WSCD2: variants seen among roughly 807,000 people sequenced by gnomAD.
The protein encoded by WSCD2 is WSC domain sialate O sulfotransferase 2.
A neutral mutation model predicts 55.7 loss-of-function variants in WSCD2; 28 were observed. The observed-to-expected ratio is 0.50, with a 90% CI of 0.37 to 0.69. WSCD2 has a LOEUF of 0.69. Among genes scored for constraint, WSCD2 ranks in the 30% least tolerant of loss-of-function variants. The pLI is 0.00. For missense variants in WSCD2, 616 were observed against 762.1 expected (o/e 0.81, Z 2.26); for synonymous variants, 301 against 301.9 (o/e 1.00, Z 0.03).
At position 108,248,520 on chromosome 12, in the gene WSCD2, T is replaced by C; in HGVS notation, c.*177T>C. ...ACAGAGGAGGCTCAAGGGAAGAGAT[T>C]GCCCAGGCACTACCACTCTGCTCAC... On this transcript the variant is annotated 3_prime_UTR_variant, in exon 9 of 9. Coordinates refer to ENST00000547525, the MANE Select transcript of WSCD2 (RefSeq NM_014653.4). The surrounding 1 kb of genome is among the most constrained non-coding windows in gnomAD (Gnocchi z 4.3). The C allele has an allele frequency of 7.0e-7, 1 of 1,420,768 alleles. No individual in the cohort carries two copies. Among genetic ancestry groups the C allele is most frequent in the Non-Finnish European group, 9.2e-7 (1 of 1,091,154 alleles). The allele number at this position is 1,420,768 out of a possible 1,614,324, so 88.0% of individuals were successfully genotyped here.
At chr12:108,234,845 T>G (rs1447426552) in intron 7 of WSCD2, among the ~76,000 whole-genome samples, 1 of 152,220 alleles carries the variant, frequency 6.6e-6, no homozygotes, top group Non-Finnish European at 1.5e-5. Context: ...AAAATTGGTT[T>G]CATCTAGTGT....
chr12:108,165,190 A>C (rs1879486480), intron 1 of WSCD2, among the ~76,000 whole-genome samples: 2 of 152,164 alleles, frequency 1.3e-5, no homozygotes, highest in South Asian at 4.1e-4. Context: ...ACAGTAAAGT[A>C]TGTTGAGGCA....
intron 7 of WSCD2, among the ~76,000 whole-genome samples, chr12:108,235,276 T>A (rs1467583214): frequency 6.6e-6 from 1 of 152,226 alleles, no homozygotes; most frequent in African/African-American, 2.4e-5. Context: ...AGACATTTTT[T>A]AAATGCTATG....
chr12:108,238,494 G>A (rs967674038), intron 7 of WSCD2, among the ~76,000 whole-genome samples: 1 of 152,204 alleles, frequency 6.6e-6, no homozygotes, highest in East Asian at 1.9e-4. Context: ...AACAGGGAGG[G>A]AAGAAGCCAT....
chr12:108,222,334 T>G (rs1887621595), intron 4 of WSCD2, among the ~76,000 whole-genome samples: 1 of 152,232 alleles, frequency 6.6e-6, no homozygotes, highest in African/African-American at 2.4e-5. Context: ...GATGGGTCCT[T>G]AGATTTGTCT....
intron 1 of WSCD2, among the ~76,000 whole-genome samples, chr12:108,135,041 G>A (rs2136858817): frequency 6.6e-6 from 1 of 152,266 alleles, no homozygotes; most frequent in Non-Finnish European, 1.5e-5. Flanking sequence ...CACTCACCTG[G>A]AGGTTTGGTT....
chr12:108,208,440 A>G (rs1885707474), intron 3 of WSCD2, among the ~76,000 whole-genome samples: 1 of 152,216 alleles, frequency 6.6e-6, no homozygotes, highest in South Asian at 2.1e-4. Flanking sequence ...GGTGCAGGAA[A>G]GTCAAGAAGA....
At chr12:108,214,521 C>T (rs1171439350) in intron 4 of WSCD2, among the ~76,000 whole-genome samples, 2 of 152,204 alleles carry the variant, frequency 1.3e-5, no homozygotes. Flanking sequence ...CTAAATGTGT[C>T]GGCAAGTGTA....
chr12:108,138,756 C>T (rs186074429), intron 1 of WSCD2, among the ~76,000 whole-genome samples: 1 of 152,352 alleles, frequency 6.6e-6, no homozygotes, highest in Admixed American at 6.5e-5. Context: ...GCTTCCTCTG[C>T]CATGAATGTT....
At chr12:108,218,963 G>T (rs763640935) in intron 4 of WSCD2, among the ~76,000 whole-genome samples, 35 of 152,144 alleles carry the variant, frequency 2.3e-4, no homozygotes, top group Non-Finnish European at 4.3e-4. Context: ...CCTTGCACTG[G>T]GGAAATAAGT....
At chr12:108,188,822 G>C (rs960536675) in intron 1 of WSCD2, among the ~76,000 whole-genome samples, 2 of 152,202 alleles carry the variant, frequency 1.3e-5, no homozygotes, top group African/African-American at 4.8e-5. Context: ...GGTCTGCATA[G>C]TGTCCGCCAT....
intron 1 of WSCD2, among the ~76,000 whole-genome samples, chr12:108,164,139 C>CGTTTTTTTTTTTTT (rs1555224799): frequency 1.2e-5 from 1 of 85,312 alleles, no homozygotes. Flanking sequence ...ATCTTAAATC[C>CGTTTTTTTTTTTTT]TTTTTTTTTT....
intron 4 of WSCD2, among the ~76,000 whole-genome samples, chr12:108,215,862 G>A (rs887944634): frequency 6.6e-6 from 1 of 152,310 alleles, no homozygotes. Context: ...GTTCCGGGCT[G>A]TTCTTCATCT....
At chr12:108,190,760 C>T (rs1883060738) in intron 1 of WSCD2, among the ~76,000 whole-genome samples, 1 of 152,154 alleles carries the variant, frequency 6.6e-6, no homozygotes, top group Non-Finnish European at 1.5e-5. Context: ...GGCCTCTCAG[C>T]CTCCTCCCTG....
At chr12:108,229,750 C>T (rs969199193) in intron 6 of WSCD2, among the ~76,000 whole-genome samples, 1 of 152,086 alleles carries the variant, frequency 6.6e-6, no homozygotes, top group Non-Finnish European at 1.5e-5. Context: ...ACAACTTTTA[C>T]CTTCGGGTTG....
At position 108,167,173 on chromosome 12, in the gene WSCD2, G is replaced by A. The variant is rs962503867; in HGVS notation, c.-551-28109G>A. On this transcript the variant is annotated intron_variant, in intron 1 of 8. Coordinates refer to ENST00000547525, the MANE Select transcript of WSCD2 (RefSeq NM_014653.4). ...CTCTGGGTTTCAGTTTGCTCGTCTC[G>A]TAAGTGGGAATATTCGAACCTTATA... Among the ~76,000 whole-genome samples, 12 of 152,114 alleles carry A rather than the reference G, an allele frequency of 7.9e-5. 1 individual carries two copies. The highest frequency in any genetic ancestry group is 1.9e-4 in the African/African-American group (8 of 41,410).
In WSCD2 at chr12:108,164,138, CCTTTTTTTTTT is replaced by C. The variant is rs1268825813; in HGVS notation, c.-551-31143_-551-31133del. Among the ~76,000 whole-genome samples the C allele has an allele frequency of 6.3e-4, 45 of 71,734 alleles. 7 individuals are homozygous for C. Among genetic ancestry groups the C allele is most frequent in the Admixed American group, 1.3e-3 (6 of 4,604 alleles). 47.1% of individuals were successfully genotyped at this position (71,734 alleles called of 152,430 possible). ...TTTATACTGTTGTTTAATCTTAAAT[CCTTTTTTTTTT>C]TTTTTTTTTTTTTCAGAGAGGGGGA... On this transcript the variant is annotated intron_variant, in intron 1 of 8. Transcript: ENST00000547525.
intron 2 of WSCD2, among the ~76,000 whole-genome samples, chr12:108,198,060 C>A (rs563470068): frequency 6.6e-6 from 1 of 151,606 alleles, no homozygotes; most frequent in African/African-American, 2.4e-5. Context: ...CACTTCCTAC[C>A]CAGTCACAAC....
At chr12:108,177,089 G>A (rs1880978232) in intron 1 of WSCD2, among the ~76,000 whole-genome samples, 2 of 152,020 alleles carry the variant, frequency 1.3e-5, no homozygotes, top group Admixed American at 1.3e-4. Context: ...CTCTTGCTGA[G>A]TCTATGACCT....
Sources: allele counts gnomAD v4.1 joint callset (sites outside exome capture counted in the v4.1 genomes callset), GRCh38; gene constraint gnomAD v4.1.1; non-coding constraint Gnocchi (gnomAD v3.1); transcripts MANE v1.5; gene names NCBI Gene and HGNC (gene_info 2026-07-23, HGNC 2026-07-21).